UNC5A: variants seen among roughly 807,000 people sequenced by gnomAD.
The protein encoded by UNC5A is netrin receptor UNC5A.
Under a neutral mutation model 87.4 loss-of-function variants are expected in UNC5A, and 20 were observed. That is an observed-to-expected ratio of 0.23 (90% CI 0.16 to 0.33). UNC5A has a LOEUF of 0.33. Among genes scored for constraint, UNC5A ranks in the 10% least tolerant of loss-of-function variants. UNC5A has a pLI of 1.00. For missense variants in UNC5A, 844 were observed against 1,133.4 expected (o/e 0.74, Z 3.67); for synonymous variants, 438 against 482.3 (o/e 0.91, Z 1.20).
chr5:176,830,840 ATG>A (rs1414525646), intron 1 of UNC5A, among the ~76,000 whole-genome samples: 9 of 64,550 alleles, frequency 1.4e-4, no homozygotes, highest in Admixed American at 6.8e-4. Context: ...ATGTGCTGGC[ATG>A]TGTGTGTGCT....
intron 1 of UNC5A, among the ~76,000 whole-genome samples, chr5:176,845,571 G>A (rs1278056898): frequency 6.6e-6 from 1 of 152,252 alleles, no homozygotes; most frequent in East Asian, 1.9e-4. Flanking sequence ...CTGGCACAGA[G>A]CAAGCCTTCC....
At chr5:176,845,838 A>G (rs1418074603) in intron 1 of UNC5A, among the ~76,000 whole-genome samples, 1 of 152,174 alleles carries the variant, frequency 6.6e-6, no homozygotes, top group Non-Finnish European at 1.5e-5. Context: ...GGCGATGAGG[A>G]GTGTGCTATG....
At chr5:176,815,697 C>A (rs1756570608) in intron 1 of UNC5A, among the ~76,000 whole-genome samples, 2 of 152,184 alleles carry the variant, frequency 1.3e-5, no homozygotes, top group African/African-American at 4.8e-5. Flanking sequence ...ACTTAAGCCG[C>A]ATCAGGGCCC....
At chr5:176,852,835 C>T (rs1350949736) in intron 1 of UNC5A, among the ~76,000 whole-genome samples, 1 of 152,258 alleles carries the variant, frequency 6.6e-6, no homozygotes, top group Non-Finnish European at 1.5e-5. Context: ...CATCTTGGCT[C>T]AGCTCCTGCC....
At chr5:176,876,276 G>A (rs1758259900) in intron 8 of UNC5A, among the ~76,000 whole-genome samples, 1 of 152,260 alleles carries the variant, frequency 6.6e-6, no homozygotes, top group Non-Finnish European at 1.5e-5. Context: ...AGTGAAGGGA[G>A]CAGTGGCTGT....
chr5:176,833,138 GA>G (rs1757066578), intron 1 of UNC5A, among the ~76,000 whole-genome samples: 1 of 152,236 alleles, frequency 6.6e-6, no homozygotes, highest in Non-Finnish European at 1.5e-5. Context: ...ACCCAACTCA[GA>G]ATCTTTTTTT....
At chr5:176,873,699 C>T (rs1313132790) in intron 6 of UNC5A, among the ~76,000 whole-genome samples, 1 of 152,290 alleles carries the variant, frequency 6.6e-6, no homozygotes, top group East Asian at 1.9e-4. Context: ...TAGCTCTTCC[C>T]CTCCTGCATC....
rs1455810689 is a variant in UNC5A at position 176,868,902 on chromosome 5, C to G, written c.659C>G (p.Thr220Ser). ...CGCCTTGCTGACACGGCCAACTACACCTGCGTGGCCAAGAACATCGTGGCA... is the reference window on the plus strand; with the variant it reads ...CGCCTTGCTGACACGGCCAACTACAGCTGCGTGGCCAAGAACATCGTGGCA... ...QARLADTANY[T>S]CVAKNIVARR... Residue 220 changes from threonine to serine, a missense_variant, in exon 5 of 15, where the codon ACC becomes AGC. Thr to Ser is a moderately conservative substitution (Grantham distance 58). Around this residue, in one of 3 missense-constraint regions of UNC5A, gnomAD observed 314 missense variants for 466.5 expected, o/e 0.67. Coordinates refer to ENST00000329542, the MANE Select transcript of UNC5A (RefSeq NM_133369.3). 6.2e-7 allele frequency: 1 copy of G among 1,612,794 alleles called. No homozygotes were observed. Among genetic ancestry groups the G allele is most frequent in the South Asian group, 1.1e-5 (1 of 91,074 alleles).
At chr5:176,864,931 A>G (rs1055361969) in intron 2 of UNC5A, 16 of 431,682 alleles carry the variant, frequency 3.7e-5, no homozygotes, top group Non-Finnish European at 7.0e-5. Context: ...CTCCCTGCCC[A>G]GCAGCAGGGC....
At chr5:176,833,761 T>G (rs1196023427) in intron 1 of UNC5A, among the ~76,000 whole-genome samples, 1 of 150,266 alleles carries the variant, frequency 6.7e-6, no homozygotes, top group Non-Finnish European at 1.5e-5. Context: ...CAGGCTGGAG[T>G]GCAGTGGTGC....
intron 1 of UNC5A, among the ~76,000 whole-genome samples, chr5:176,852,635 C>A (rs1327284986): frequency 6.6e-6 from 1 of 152,230 alleles, no homozygotes; most frequent in African/African-American, 2.4e-5. Flanking sequence ...TTAACTATTT[C>A]TCTGGCCTGA....
At position 176,880,409 on chromosome 5, in the gene UNC5A, C is replaced by T. The variant is rs1276826726; in HGVS notation, c.*523C>T. 1.9e-5 allele frequency: 3 copies of T among 154,794 alleles called. No individual in the cohort carries two copies. The highest frequency in any genetic ancestry group is 7.2e-5 in the African/African-American group (3 of 41,470). The allele number at this position is 154,794 out of a possible 1,614,324, so 9.6% of individuals were successfully genotyped here. ...CCTGGATTCAGGCACACGACCACCACACGAGCACGTGCCACGCATGCCTCG... is the reference window on the plus strand; with the variant it reads ...CCTGGATTCAGGCACACGACCACCATACGAGCACGTGCCACGCATGCCTCG... On this transcript the variant is annotated 3_prime_UTR_variant, in exon 15 of 15. Transcript: ENST00000329542.
At chr5:176,830,250 A>C (rs1226599128) in intron 1 of UNC5A, among the ~76,000 whole-genome samples, 1 of 152,138 alleles carries the variant, frequency 6.6e-6, no homozygotes, top group Admixed American at 6.5e-5. Flanking sequence ...CTCCCTTCCC[A>C]GGAGCTCCCA....
At position 176,866,508 on chromosome 5, in the gene UNC5A, C is replaced by G. The variant is rs1348534997; in HGVS notation, c.293-1622C>G. On this transcript the variant is annotated intron_variant, in intron 2 of 14. Coordinates refer to ENST00000329542, the MANE Select transcript of UNC5A (RefSeq NM_133369.3). This position sits in a 1 kb window ranked among gnomAD's most constrained non-coding sequence, Gnocchi z 5.0. ...TGAGCCGCCTGGGCCATGGGTGAGG[C>G]TCCTGAAGGAGGGCCGGGCTCCCCA... Among the ~76,000 whole-genome samples the G allele has an allele frequency of 2.6e-5, 4 of 152,122 alleles. No homozygotes were observed. Among genetic ancestry groups the G allele is most frequent in the African/African-American group, 9.7e-5 (4 of 41,430 alleles).
intron 2 of UNC5A, 50 bp downstream of exon 2, chr5:176,862,895 C>A: frequency 6.2e-7 from 1 of 1,603,002 alleles, no homozygotes; most frequent in South Asian, 1.1e-5. Context: ...AGGCGAGTTT[C>A]GGCCCCCCCA....
At position 176,879,250 on chromosome 5, in the gene UNC5A, G is replaced by T. The variant is rs113827240; in HGVS notation, c.2185-60G>T. On this transcript the variant is annotated intron_variant, in intron 13 of 14. Coordinates refer to ENST00000329542, the MANE Select transcript of UNC5A (RefSeq NM_133369.3). ...TCTGGGAGCTCCCCCAGCAGGAGGT[G>T]GCGGTGGACCCGGGCCTGGGGAAAG... 1,431 of 1,511,530 alleles carry T rather than the reference G, an allele frequency of 9.5e-4. 18 individuals carry two copies. The African/African-American group carries it at 0.018, about 20-fold the overall frequency. The allele number at this position is 1,511,530 out of a possible 1,614,324, so 93.6% of individuals were successfully genotyped here.
intron 1 of UNC5A, among the ~76,000 whole-genome samples, chr5:176,840,907 A>G (rs1164191394): frequency 1.3e-5 from 2 of 152,220 alleles, no homozygotes; most frequent in Non-Finnish European, 2.9e-5. Flanking sequence ...TGAGCAGCAC[A>G]GAGAGCTGCT....
intron 1 of UNC5A, among the ~76,000 whole-genome samples, chr5:176,858,993 G>T (rs1757749420): frequency 6.6e-6 from 1 of 152,232 alleles, no homozygotes; most frequent in African/African-American, 2.4e-5. Flanking sequence ...CAGAGGCAGA[G>T]AAAGCCAGCC....
At chr5:176,829,646 G>A (rs1305761899) in intron 1 of UNC5A, among the ~76,000 whole-genome samples, 1 of 151,910 alleles carries the variant, frequency 6.6e-6, no homozygotes, top group Non-Finnish European at 1.5e-5. Flanking sequence ...AGATAGACAA[G>A]TAGATATATG....
Sources: allele counts gnomAD v4.1 joint callset (sites outside exome capture counted in the v4.1 genomes callset), GRCh38; gene constraint gnomAD v4.1.1; regional missense constraint gnomAD v4.1.1; non-coding constraint Gnocchi (gnomAD v3.1); transcripts MANE v1.5; gene names NCBI Gene and HGNC (gene_info 2026-07-23, HGNC 2026-07-21).